Variants in AKAP9 observed in about 807,000 individuals in gnomAD.
AKAP9 encodes A-kinase anchoring protein 9.
A neutral mutation model predicts 488.5 loss-of-function variants in AKAP9; 311 were observed. The ratio of observed to expected loss-of-function variants is 0.64; its 90% CI spans 0.58 to 0.70. AKAP9 has a LOEUF of 0.70. Ranked by LOEUF, AKAP9 falls within the 30% of genes least tolerant of loss-of-function variation. The pLI is 0.00. For synonymous variants in AKAP9, 1,462 were observed against 1,483.5 expected, an observed-to-expected ratio of 0.99 and a Z score of 0.33; for missense variants, 4,215 against 4,374.5, an observed-to-expected ratio of 0.96 and a Z score of 1.03.
intron 30 of AKAP9, 100 bp from the exon 31 acceptor site, chr7:92,078,979 G>A (rs1313530127): frequency 2.8e-6 from 2 of 706,594 alleles, no homozygotes; most frequent in Non-Finnish European, 4.6e-6. Context: ...TTATTTTTGT[G>A]TGTGATCATC....
chr7:91,942,047 A>G (rs1019119677), intron 1 of AKAP9, among the ~76,000 whole-genome samples: 2 of 152,206 alleles, frequency 1.3e-5, no homozygotes, highest in Non-Finnish European at 2.9e-5. Flanking sequence ...AAAATTACAT[A>G]TTTGAGCATA....
chr7:92,068,520 T>C (rs562952211), intron 26 of AKAP9, among the ~76,000 whole-genome samples: 1 of 152,102 alleles, frequency 6.6e-6, no homozygotes. Context: ...TCTCCTATTA[T>C]GTAGTTTTCT....
chr7:91,973,316 G>C (rs1262903472), intron 1 of AKAP9, among the ~76,000 whole-genome samples: 1 of 152,134 alleles, frequency 6.6e-6, no homozygotes, highest in African/African-American at 2.4e-5. Flanking sequence ...AGAAAGTTGA[G>C]GTGAGCTGTG....
intron 38 of AKAP9, 29 bp from the exon 39 acceptor site, chr7:92,093,068 G>T (rs1815913279): frequency 6.4e-7 from 1 of 1,574,678 alleles, no homozygotes; most frequent in African/African-American, 1.4e-5. Flanking sequence ...GCTTGATTAT[G>T]TTTCAAATAT....
rs368011958 is a variant in AKAP9, at chr7:91,948,081, A to G, written c.48+6934A>G. ...TTGTGTCTGGCTTCTTTCACTTAGTATGTTTTCAAGGTTCATCCATTTTGC... is the reference window on the plus strand; with the variant it reads ...TTGTGTCTGGCTTCTTTCACTTAGTGTGTTTTCAAGGTTCATCCATTTTGC... On this transcript the variant is annotated intron_variant, in intron 1 of 49. Transcript: ENST00000356239. Among the ~76,000 whole-genome samples the G allele has an allele frequency of 6.6e-5, 10 of 152,322 alleles. No homozygotes were observed. The South Asian group carries it at 1.9e-3, about 28-fold the overall frequency.
In AKAP9 at chr7:92,063,830, G is replaced by C. The variant is rs564508723; in HGVS notation, c.5977+1344G>C. On this transcript the variant is annotated intron_variant, in intron 24 of 49. Transcript: ENST00000356239. ...GAGTCTTGCTCAATCACCCAGGCTA[G>C]AGTGCAGTGGTCTGATCTCGGCTCA... Among the ~76,000 whole-genome samples, 12 of 152,276 alleles carry C rather than the reference G, an allele frequency of 7.9e-5. No homozygotes were observed. In the South Asian group the frequency reaches 2.3e-3, roughly 29 times the overall value.
At chr7:92,034,952 T>C (rs552685282) in intron 16 of AKAP9, among the ~76,000 whole-genome samples, 3 of 152,334 alleles carry the variant, frequency 2.0e-5, no homozygotes, top group Admixed American at 6.5e-5. Context: ...GTTTTTGTTT[T>C]TATTTTCAAT....
chr7:92,027,835 G>A (rs1803569007), intron 14 of AKAP9, among the ~76,000 whole-genome samples: 1 of 152,242 alleles, frequency 6.6e-6, no homozygotes, highest in Admixed American at 6.5e-5. Flanking sequence ...GACGATGGCG[G>A]TTTTGTTGAA....
Position 92,001,388 on chromosome 7 carries a change from A to T in AKAP9, c.1471A>T (p.Met491Leu), listed in dbSNP as rs770332643. 6.2e-7 allele frequency: 1 copy of T among 1,613,854 alleles called. No homozygotes were observed. Among genetic ancestry groups the T allele is most frequent in the East Asian group, 2.2e-5 (1 of 44,874 alleles). Residue 491 changes from methionine (M) to leucine (L), a missense_variant, in exon 8 of 50, where the codon ATG (methionine) becomes TTG (leucine). Coordinates refer to ENST00000356239, the MANE Select transcript of AKAP9 (RefSeq NM_005751.5). ...ITVNEDQIKL[M>L]NVAINELNIK... ...AGTTAATGAAGATCAGATAAAGTTA[A>T]TGAATGTGGCAATAAATGAACTGAA... is the stretch of plus-strand genomic sequence containing the variant.
chr7:92,049,275 T>C (rs1807515575), intron 21 of AKAP9, among the ~76,000 whole-genome samples: 1 of 152,150 alleles, frequency 6.6e-6, no homozygotes, highest in Non-Finnish European at 1.5e-5. Context: ...CCTGCTAATC[T>C]ATATTATCCT....
intron 13 of AKAP9, 22 bp downstream of exon 13, chr7:92,022,374 C>T: frequency 6.7e-7 from 1 of 1,482,352 alleles, no homozygotes; most frequent in Non-Finnish European, 9.4e-7. Context: ...TCATATACCA[C>T]AATGTGGTGT....
At chr7:92,062,963 G>A (rs1424222991) in intron 24 of AKAP9, among the ~76,000 whole-genome samples, 1 of 152,052 alleles carries the variant, frequency 6.6e-6, no homozygotes, top group Non-Finnish European at 1.5e-5. Context: ...AATGTAGTAG[G>A]AATTCAAATA....
In AKAP9 at chr7:92,079,964, T is replaced by A; in HGVS notation, c.7831T>A (p.Leu2611Ile). The A allele has an allele frequency of 6.3e-7, 1 of 1,587,160 alleles. No individual in the cohort carries two copies. The highest frequency in any genetic ancestry group is 8.5e-7 in the Non-Finnish European group (1 of 1,170,574). ...ISALTLRISE[L>I]ESQVVEMHTS... ...AGCATTAACCTTGAGAATATCAGAA[T>A]TAGAAAGCCAGGTTGTTGAAATGCA... is the stretch of plus-strand genomic sequence containing the variant. The change falls in exon 31 of 50, where the codon TTA becomes ATA. Residue 2611 changes from leucine to isoleucine, a missense_variant. Leu to Ile is a conservative substitution (Grantham distance 5, BLOSUM62 2). This residue lies in a region of AKAP9 where 1,476 missense variants were observed against 1,477.4 expected (regional missense o/e 1.00). Transcript: ENST00000356239.
At chr7:91,971,500 C>T (rs993940559) in intron 1 of AKAP9, among the ~76,000 whole-genome samples, 7 of 151,016 alleles carry the variant, frequency 4.6e-5, no homozygotes, top group African/African-American at 1.7e-4. Context: ...TGTGCTTTGT[C>T]CATTTGACTA....
At chr7:91,956,412 A>T (rs1033510440) in intron 1 of AKAP9, among the ~76,000 whole-genome samples, 1 of 151,766 alleles carries the variant, frequency 6.6e-6, no homozygotes, top group Admixed American at 6.6e-5. Flanking sequence ...AAAAAAAAAA[A>T]AAAAAAAAGT....
chr7:91,992,036 G>A (rs1463193799), intron 3 of AKAP9, 122 bp from the exon 4 acceptor site: 4 of 795,650 alleles, frequency 5.0e-6, no homozygotes, highest in African/African-American at 3.4e-5. Context: ...ATCTGTTTTC[G>A]CCAATGATGC....
rs1798409659 is a variant in AKAP9, at chr7:91,996,392, A to ATTTAATTAGAT, written c.930+593_930+594insTTAATTAGATT. 2.0e-5 allele frequency among the ~76,000 whole-genome samples: 3 copies of ATTTAATTAGAT among 152,194 alleles called. No homozygotes were observed. The South Asian group carries it at 6.2e-4, about 32-fold the overall frequency. On this transcript the variant is annotated intron_variant, in intron 7 of 49. Transcript: ENST00000356239. Reference sequence around the variant, plus strand: ...TTTTTCTTTATTTTTTAAAAGGGAAATCAAGGTTCAGAAGTGACTTGCCTG... The same window carrying ATTTAATTAGAT: ...TTTTTCTTTATTTTTTAAAAGGGAAATTTAATTAGATTCAAGGTTCAGAAGTGACTTGCCTG...
At chr7:92,019,395 C>G (rs1802000550) in intron 12 of AKAP9, among the ~76,000 whole-genome samples, 1 of 151,842 alleles carries the variant, frequency 6.6e-6, no homozygotes, top group Admixed American at 6.6e-5. Context: ...CCACCTTGGC[C>G]TCCCTAAGTG....
At chr7:92,070,280 G>C in intron 27 of AKAP9, 74 bp downstream of exon 27, 1 of 1,441,942 alleles carries the variant, frequency 6.9e-7, no homozygotes, top group Admixed American at 1.7e-5. Context: ...ACTTCTTGTA[G>C]GTATTATTAC....
Sources: gnomAD v4.1 joint callset for allele counts (sites outside exome capture counted in the v4.1 genomes callset) on GRCh38, gnomAD v4.1.1 for gene constraint, gnomAD v4.1.1 regional missense constraint, MANE v1.5 for transcripts, NCBI Gene and HGNC (gene_info 2026-07-23, HGNC 2026-07-21) for gene names.